Variants in DYNC2LI1 observed in about 807,000 individuals in gnomAD.
DYNC2LI1 encodes cytoplasmic dynein 2 light intermediate chain 1.
DYNC2LI1 carries 45 observed loss-of-function variants against 51.9 expected under a neutral mutation model. That is an observed-to-expected ratio of 0.87 (90% CI 0.68 to 1.11). DYNC2LI1 has a LOEUF of 1.11. DYNC2LI1 is among the 50% of genes most tolerant of loss of function. The probability of loss-of-function intolerance (pLI) is 0.00; values close to 1 mark genes in which losing one functional copy is unlikely to be tolerated. For missense variants in DYNC2LI1, 490 were observed against 417.4 expected, an observed-to-expected ratio of 1.17 and a Z score of -1.51; for synonymous variants, 130 against 137.8, an observed-to-expected ratio of 0.94 and a Z score of 0.40.
chr2:43,824,905 GT>G, the DYNC2LI1 span: 1 of 1,614,016 alleles, frequency 6.2e-7, no homozygotes. Flanking sequence ...AGTCAAAAGG[GT>G]TTGAATGTTC....
chr2:43,774,276 G>T lies in DYNC2LI1; in HGVS notation c.8+130G>T, dbSNP rs771607498. 3.2e-6 allele frequency: 4 copies of T among 1,246,076 alleles called. No individual in the cohort carries two copies. In the East Asian group the frequency reaches 1.0e-4, roughly 32 times the overall value. The allele number at this position is 1,246,076 out of a possible 1,614,324, so 77.2% of individuals were successfully genotyped here. A position where few individuals can be genotyped will look rare whatever the true frequency, so the allele number is the denominator to read the frequency against. Reference sequence around the variant, plus strand: ...TGCCACCAGGATATGCAGGGTCGGGGACCTAGGAATCAGCCTTGAGCATAA... The same window carrying T: ...TGCCACCAGGATATGCAGGGTCGGGTACCTAGGAATCAGCCTTGAGCATAA... On this transcript the variant is annotated intron_variant, in intron 1 of 12. Transcript: ENST00000260605.
At chr2:43,820,297 G>T in the DYNC2LI1 span, among the ~76,000 whole-genome samples, 1 of 152,166 alleles carries the variant, frequency 6.6e-6, no homozygotes, top group Non-Finnish European at 1.5e-5. Flanking sequence ...GTTCCCATTG[G>T]CTGCAACTCA....
intron 8 of DYNC2LI1, among the ~76,000 whole-genome samples, chr2:43,800,449 C>T (rs1666035849): frequency 6.6e-6 from 1 of 152,168 alleles, no homozygotes; most frequent in Non-Finnish European, 1.5e-5. Context: ...CTCTTATTTT[C>T]TAACCAACCC....
intron 12 of DYNC2LI1, among the ~76,000 whole-genome samples, chr2:43,806,944 T>C (rs1436157946): frequency 6.6e-6 from 1 of 152,190 alleles, no homozygotes; most frequent in East Asian, 1.9e-4. Context: ...AGTTTGCCTC[T>C]AAACCACTTT....
At chr2:43,822,428 T>C in the DYNC2LI1 span, 2 of 761,034 alleles carry the variant, frequency 2.6e-6, no homozygotes, top group Non-Finnish European at 3.2e-6. Context: ...ACCCTCTGAA[T>C]GTGTCTGTTT....
chr2:43,822,527 C>CGAGA, the DYNC2LI1 span: 1 of 982,372 alleles, frequency 1.0e-6, no homozygotes, highest in Non-Finnish European at 1.2e-6. Context: ...CCTCTCTTCT[C>CGAGA]TGGCCCAGGC....
intron 3 of DYNC2LI1, among the ~76,000 whole-genome samples, chr2:43,784,902 G>A (rs1406222459): frequency 3.9e-5 from 6 of 152,020 alleles, no homozygotes; most frequent in African/African-American, 1.2e-4. Flanking sequence ...TCTATATAAC[G>A]TATTCAAAAG....
In DYNC2LI1 at chr2:43,776,904, T is replaced by C. The variant is rs772859071; in HGVS notation, c.126+5T>C. On this transcript the variant is annotated splice_donor_5th_base_variant and intron_variant, in intron 2 of 12. Coordinates refer to ENST00000260605, the MANE Select transcript of DYNC2LI1 (RefSeq NM_016008.4). The stretch of plus-strand genomic sequence containing the variant: ...TTCATTGGCAGTAAAAATGGGGTAA[T>C]GCTTTCTTTTTTTCAATTATTGTGA... 5.8e-6 allele frequency: 8 copies of C among 1,388,430 alleles called. No individual in the cohort carries two copies. In the East Asian group the frequency reaches 1.6e-4, roughly 28 times the overall value. The allele number at this position is 1,388,430 out of a possible 1,614,324, so 86.0% of individuals were successfully genotyped here.
chr2:43,787,186 A>T lies in DYNC2LI1; in HGVS notation c.167A>T (p.Glu56Val). The change falls in exon 4 of 13, where the codon GAA becomes GTA. Residue 56 changes from glutamate (E) to valine (V), a missense_variant. Physicochemically the swap from Glu to Val is moderately radical, Grantham distance 121 (BLOSUM62 -2). Transcript: ENST00000260605. ...TATCGGCCTTTATTATACAGAGATG[A>T]ACCACCAAAACCAACCTTAGCTTTG... ...TIILRCLDRDEPPKPTLALEY... is the reference protein window; with the variant it reads ...TIILRCLDRDVPPKPTLALEY... 6.2e-7 allele frequency: 1 copy of T among 1,612,624 alleles called. No homozygotes were observed. The highest frequency in any genetic ancestry group is 1.7e-5 in the Admixed American group (1 of 60,008).
chr2:43,787,145 C>G, intron 3 of DYNC2LI1, 36 bp from the exon 4 acceptor site: 1 of 1,550,794 alleles, frequency 6.4e-7, no homozygotes, highest in Non-Finnish European at 8.9e-7. Context: ...ACTAATACCA[C>G]CTACAATGAT....
chr2:43,826,599 G>C, the DYNC2LI1 span: 2 of 1,597,290 alleles, frequency 1.3e-6, no homozygotes, highest in African/African-American at 1.3e-5. Context: ...GTTCTGAACT[G>C]TTCCTTATTG....
chr2:43,822,350 C>T, the DYNC2LI1 span, among the ~76,000 whole-genome samples: 1 of 152,146 alleles, frequency 6.6e-6, no homozygotes, highest in Non-Finnish European at 1.5e-5. Context: ...TGATGCTGCC[C>T]AATCCTGCTT....
In DYNC2LI1 at chr2:43,809,650, C is replaced by G. The variant is rs878904291; in HGVS notation, c.994-55C>G. Reference sequence around the variant, plus strand: ...AAATGAGAAGGCAGTTTTAAGGTGCCTCCTTGAATTAGTAAAGTTGATTTT... The same window carrying G: ...AAATGAGAAGGCAGTTTTAAGGTGCGTCCTTGAATTAGTAAAGTTGATTTT... On this transcript the variant is annotated intron_variant, in intron 12 of 12. Transcript: ENST00000260605. 1.8e-5 allele frequency: 23 copies of G among 1,296,848 alleles called. 1 individual carries two copies. The South Asian group carries it at 2.9e-4, about 17-fold the overall frequency. The allele number at this position is 1,296,848 out of a possible 1,614,324, so 80.3% of individuals were successfully genotyped here. A position where few individuals can be genotyped will look rare whatever the true frequency, so the allele number is the denominator to read the frequency against.
Position 43,774,154 on chromosome 2 carries a change from C to G in DYNC2LI1, c.8+8C>G, listed in dbSNP as rs565442039. The G allele has an allele frequency of 4.3e-6, 7 of 1,613,964 alleles. No individual in the cohort carries two copies. The South Asian group carries it at 7.7e-5, about 18-fold the overall frequency. ...GCCGTCGACGATGCCCAGGTATTCC[C>G]TGAACCCGGCTTGCGTGGGAAAGGC... On this transcript the variant is annotated splice_region_variant and intron_variant, in intron 1 of 12. Coordinates refer to ENST00000260605, the MANE Select transcript of DYNC2LI1 (RefSeq NM_016008.4).
chr2:43,777,492 CAA>C (rs1217363446), intron 2 of DYNC2LI1, among the ~76,000 whole-genome samples: 2 of 152,186 alleles, frequency 1.3e-5, no homozygotes, highest in Admixed American at 1.3e-4. Context: ...GCCTGGCCCA[CAA>C]AGTTCCTGCC....
intron 3 of DYNC2LI1, among the ~76,000 whole-genome samples, chr2:43,784,920 C>G (rs1673454694): frequency 6.6e-6 from 1 of 152,046 alleles, no homozygotes; most frequent in Non-Finnish European, 1.5e-5. Flanking sequence ...AAGATGTATG[C>G]AGGGGTGATA....
the DYNC2LI1 span, among the ~76,000 whole-genome samples, chr2:43,823,533 G>A: frequency 2.0e-5 from 3 of 152,148 alleles, no homozygotes; most frequent in South Asian, 2.1e-4. Context: ...GGTGCTGGCT[G>A]TCCTAAAATC....
At chr2:43,822,887 T>C in the DYNC2LI1 span, 1 of 1,613,876 alleles carries the variant, frequency 6.2e-7, no homozygotes, top group African/African-American at 1.3e-5. Flanking sequence ...CCACTTCTGG[T>C]AGAGGCCGTC....
At chr2:43,795,176 A>T (rs1673975213) in intron 6 of DYNC2LI1, 1 of 990,230 alleles carries the variant, frequency 1.0e-6, no homozygotes, top group Admixed American at 5.8e-5. Context: ...CATCATCTGG[A>T]AAACTGAGAG....
Sources: allele counts gnomAD v4.1 joint callset (sites outside exome capture counted in the v4.1 genomes callset), GRCh38; gene constraint gnomAD v4.1.1; transcripts MANE v1.5; gene names NCBI Gene and HGNC (gene_info 2026-07-23, HGNC 2026-07-21).